The following CNBD2 variants were observed in gnomAD, a reference collection of about 807,000 sequenced individuals.
The protein encoded by CNBD2 is cyclic nucleotide binding domain containing 2.
A neutral mutation model predicts 63.7 loss-of-function variants in CNBD2; 64 were observed. The ratio of observed to expected loss-of-function variants is 1.00; its 90% CI spans 0.82 to 1.24. The LOEUF is 1.24. CNBD2 is among the 50% of genes most tolerant of loss of function. The pLI is 0.00. For missense variants in CNBD2, 691 were observed against 713.5 expected (o/e 0.97, Z 0.36); for synonymous variants, 229 against 255.4 (o/e 0.90, Z 0.99).
intron 11 of CNBD2, among the ~76,000 whole-genome samples, chr20:36,026,301 T>TGCTG (rs1448852795): frequency 6.6e-6 from 1 of 152,154 alleles, no homozygotes; most frequent in Admixed American, 6.6e-5. Context: ...CCTCCCAAAG[T>TGCTG]GCTGGGATTG....
intron 8 of CNBD2, among the ~76,000 whole-genome samples, chr20:35,998,687 A>G (rs560614428): frequency 2.0e-5 from 3 of 152,048 alleles, no homozygotes; most frequent in Middle Eastern, 3.4e-3. Flanking sequence ...TGGCCAACAT[A>G]TAGTGAAACC....
At chr20:35,986,683 C>G (rs552967883) in intron 6 of CNBD2, among the ~76,000 whole-genome samples, 2 of 152,302 alleles carry the variant, frequency 1.3e-5, no homozygotes, top group African/African-American at 4.8e-5. Flanking sequence ...CTTGAGTTAA[C>G]CTGATTCAAT....
At chr20:35,986,924 C>T (rs6119689) in intron 6 of CNBD2, among the ~76,000 whole-genome samples, 2 of 152,194 alleles carry the variant, frequency 1.3e-5, no homozygotes, top group Non-Finnish European at 2.9e-5. Flanking sequence ...AGACCCAGAG[C>T]TGAGGATTTG....
chr20:36,002,021 G>A (rs916053568), intron 8 of CNBD2, among the ~76,000 whole-genome samples: 10 of 152,148 alleles, frequency 6.6e-5, no homozygotes, highest in Non-Finnish European at 1.2e-4. Flanking sequence ...CTGCACTCTC[G>A]GCACTTTGGG....
chr20:36,028,693 T>G (rs1389143424), intron 11 of CNBD2, among the ~76,000 whole-genome samples: 1 of 151,382 alleles, frequency 6.6e-6, no homozygotes, highest in Admixed American at 6.6e-5. Context: ...TGGTTTTTTT[T>G]GGGACGGAGT....
intron 10 of CNBD2, among the ~76,000 whole-genome samples, chr20:36,022,108 A>T (rs2057218289): frequency 1.3e-5 from 2 of 151,364 alleles, no homozygotes; most frequent in African/African-American, 4.9e-5. Context: ...TCTCTGATTG[A>T]AATGATTCCC....
chr20:35,999,948 GGATT>G (rs1425979618), intron 8 of CNBD2, among the ~76,000 whole-genome samples: 2 of 151,928 alleles, frequency 1.3e-5, no homozygotes, highest in Admixed American at 6.6e-5. Context: ...CAAAGTGCTG[GGATT>G]ACAGGCATCA....
At chr20:35,958,399 T>C (rs1055437777), downstream of CNBD2, among the ~76,000 whole-genome samples, 3 of 152,218 alleles carry the variant, frequency 2.0e-5, no homozygotes, top group African/African-American at 7.2e-5. Context: ...GCCACTGCAC[T>C]CCAGCCTGGG....
chr20:36,002,149 C>T (rs1295582435), intron 8 of CNBD2, among the ~76,000 whole-genome samples: 1 of 152,244 alleles, frequency 6.6e-6, no homozygotes, highest in Non-Finnish European at 1.5e-5. Context: ...AATCCCGGCA[C>T]CTCGGGAGGC....
At position 36,011,122 on chromosome 20, in the gene CNBD2, G is replaced by C. The variant is rs779380803; in HGVS notation, c.1149-15G>C. ...GTGTTACAGATGAGCTCTCTAACAA[G>C]CTGTCACATTTCAGATCCAGGCCTG... On this transcript the variant is annotated splice_polypyrimidine_tract_variant and intron_variant, in intron 9 of 11. Transcript: ENST00000373973. 3 of 1,516,574 alleles carry C rather than the reference G, an allele frequency of 2.0e-6. No homozygotes were observed. The highest frequency in any genetic ancestry group is 2.7e-6 in the Non-Finnish European group (3 of 1,127,034). 93.9% of individuals were successfully genotyped at this position (1,516,574 alleles called of 1,614,324 possible).
At chr20:35,954,480 G>T (rs755111676), upstream of CNBD2, 6 of 1,546,480 alleles carry the variant, frequency 3.9e-6, no homozygotes, top group African/African-American at 2.7e-5. Context: ...GCAGCCGGAA[G>T]CGAAAGTCTC....
At chr20:36,016,234 C>T (rs2057130632) in intron 10 of CNBD2, among the ~76,000 whole-genome samples, 2 of 152,146 alleles carry the variant, frequency 1.3e-5, no homozygotes, top group African/African-American at 4.8e-5. Flanking sequence ...GAAAATGCCA[C>T]AGCCAAGAGG....
chr20:36,001,690 G>A (rs1459786722), intron 8 of CNBD2, among the ~76,000 whole-genome samples: 3 of 151,108 alleles, frequency 2.0e-5, no homozygotes, highest in East Asian at 2.0e-4. Flanking sequence ...CGGGGCGGCC[G>A]GGCAGAGACG....
chr20:36,008,448 C>T lies in CNBD2; in HGVS notation c.1122C>T (p.Leu374=), dbSNP rs1198532537. Residue 374 remains leucine, a synonymous_variant, in exon 9 of 12, where the codon CTC becomes CTT. Coordinates refer to ENST00000373973, the MANE Select transcript of CNBD2 (RefSeq NM_001365709.1). ...AGATCAGAACCTCAGGAGACACTCT[C>T]CCCAAGATGCTGGGCCCGAAGATCC... is the stretch of plus-strand genomic sequence containing the variant. ...SRKIRTSGDT[L]PKMLGPKIQS... The T allele has an allele frequency of 2.5e-6, 4 of 1,612,420 alleles. No homozygotes were observed. Among genetic ancestry groups the T allele is most frequent in the African/African-American group, 1.3e-5 (1 of 74,754 alleles).
upstream of CNBD2, among the ~76,000 whole-genome samples, chr20:35,965,031 A>G (rs2056334975): frequency 6.6e-6 from 1 of 152,142 alleles, no homozygotes; most frequent in Non-Finnish European, 1.5e-5. Context: ...TATTATAGCA[A>G]GACTTTCTCT....
chr20:35,975,536 G>C (rs192675560), intron 2 of CNBD2, among the ~76,000 whole-genome samples: 3 of 150,532 alleles, frequency 2.0e-5, no homozygotes, highest in Non-Finnish European at 4.4e-5. Context: ...TCCTGACCTC[G>C]TGATCCGCCC....
intron 8 of CNBD2, among the ~76,000 whole-genome samples, chr20:36,004,855 A>G (rs2056963882): frequency 6.6e-6 from 1 of 152,136 alleles, no homozygotes; most frequent in East Asian, 1.9e-4. Flanking sequence ...GAGCCACCGC[A>G]TCTATCCTTC....
intron 1 of CNBD2, among the ~76,000 whole-genome samples, chr20:35,971,840 T>C (rs1467891366): frequency 1.3e-5 from 2 of 152,166 alleles, no homozygotes; most frequent in Non-Finnish European, 2.9e-5. Context: ...CATCATGAAA[T>C]TGACTTTTTG....
At chr20:35,969,951 T>C (rs1204161282) in intron 1 of CNBD2, among the ~76,000 whole-genome samples, 1 of 152,254 alleles carries the variant, frequency 6.6e-6, no homozygotes, top group African/African-American at 2.4e-5. Flanking sequence ...TATCATGTTA[T>C]TACTTTAATT....
Sources: gnomAD v4.1 joint callset for allele counts (sites outside exome capture counted in the v4.1 genomes callset) on GRCh38, gnomAD v4.1.1 for gene constraint, MANE v1.5 for transcripts, NCBI Gene and HGNC (gene_info 2026-07-23, HGNC 2026-07-21) for gene names.